Variants in DLG5 observed in about 807,000 individuals in gnomAD.
The protein encoded by DLG5 is disks large homolog 5.
In DLG5, 48 loss-of-function variants were observed where a neutral mutation model predicts 189.8. That is an observed-to-expected ratio of 0.25 (90% CI 0.20 to 0.32). DLG5 has a LOEUF of 0.32. Ranked by LOEUF, DLG5 falls within the 10% of genes least tolerant of loss-of-function variation. The probability of loss-of-function intolerance (pLI) is 1.00; values close to 1 mark genes in which losing one functional copy is unlikely to be tolerated. For missense variants in DLG5, 2,160 were observed against 2,544.7 expected, an observed-to-expected ratio of 0.85 and a Z score of 3.25; for synonymous variants, 1,016 against 1,054.1, an observed-to-expected ratio of 0.96 and a Z score of 0.70.
intron 2 of DLG5, chr10:77,868,680 G>T (rs982915970): frequency 1.3e-4 from 30 of 224,456 alleles, no homozygotes; most frequent in African/African-American, 6.0e-4. Flanking sequence ...CTTCCTGCTG[G>T]ACTTCAGAGA....
intron 27 of DLG5, among the ~76,000 whole-genome samples, chr10:77,804,969 T>C (rs1841397746): frequency 6.6e-6 from 1 of 152,118 alleles, no homozygotes; most frequent in African/African-American, 2.4e-5. Flanking sequence ...AAACATGCCT[T>C]TTCTTTTTAA....
At chr10:77,840,509 G>T (rs1345246753) in intron 7 of DLG5, among the ~76,000 whole-genome samples, 1 of 152,234 alleles carries the variant, frequency 6.6e-6, no homozygotes, top group Non-Finnish European at 1.5e-5. Flanking sequence ...CTTGAGTCCA[G>T]GAGTTCGAGA....
chr10:77,831,486 A>C (rs1824340978), intron 9 of DLG5, among the ~76,000 whole-genome samples: 1 of 152,374 alleles, frequency 6.6e-6, no homozygotes, highest in Non-Finnish European at 1.5e-5. Context: ...AAATGTATAC[A>C]AAAAGGCATC....
chr10:77,803,200 T>C (rs1568119208), intron 27 of DLG5, among the ~76,000 whole-genome samples: 1 of 151,906 alleles, frequency 6.6e-6, no homozygotes, highest in Admixed American at 6.6e-5. Flanking sequence ...ATAAACGAGG[T>C]AGAATGAATA....
intron 26 of DLG5, chr10:77,806,166 C>T (rs976034592): frequency 4.0e-5 from 15 of 377,464 alleles, no homozygotes; most frequent in Admixed American, 8.5e-5. Context: ...TGACGAGTTA[C>T]GCTTCCTGCC....
intron 24 of DLG5, among the ~76,000 whole-genome samples, 157 bp downstream of exon 24, chr10:77,809,390 A>G (rs1248687413): frequency 1.3e-5 from 2 of 152,222 alleles, no homozygotes; most frequent in Non-Finnish European, 2.9e-5. Context: ...TGGGCGACAG[A>G]GCAAGACTCT....
intron 1 of DLG5, among the ~76,000 whole-genome samples, chr10:77,918,718 C>T (rs1846443595): frequency 6.6e-6 from 1 of 152,106 alleles, no homozygotes; most frequent in East Asian, 1.9e-4. Context: ...ATCCAATTTC[C>T]CCCCAGCGCA....
At chr10:77,891,262 A>G (rs1845598365) in intron 1 of DLG5, among the ~76,000 whole-genome samples, 2 of 152,188 alleles carry the variant, frequency 1.3e-5, no homozygotes, top group Admixed American at 1.3e-4. Flanking sequence ...AAGGCTCACA[A>G]TTGGCTTCGC....
intron 7 of DLG5, among the ~76,000 whole-genome samples, chr10:77,839,741 C>T (rs1843328342): frequency 6.6e-6 from 1 of 152,122 alleles, no homozygotes; most frequent in Non-Finnish European, 1.5e-5. Context: ...AGGATGATTA[C>T]CAAATTCTAA....
chr10:77,879,813 G>T (rs1307343202), intron 1 of DLG5, among the ~76,000 whole-genome samples: 2 of 151,776 alleles, frequency 1.3e-5, no homozygotes, highest in African/African-American at 4.8e-5. Context: ...AAAAACAGAT[G>T]GGGGAGGGAG....
intron 7 of DLG5, among the ~76,000 whole-genome samples, chr10:77,836,708 G>A (rs1352268602): frequency 6.6e-6 from 1 of 152,168 alleles, no homozygotes; most frequent in Non-Finnish European, 1.5e-5. Flanking sequence ...TGAAAACAGA[G>A]GCAGAGGAGC....
At chr10:77,859,144 C>T (rs142515242) in intron 2 of DLG5, among the ~76,000 whole-genome samples, 2,426 of 151,978 alleles carry the variant, frequency 0.016, 54 homozygotes, top group African/African-American at 0.055. Flanking sequence ...CCAAAGTGGT[C>T]GGATTACAGG....
intron 1 of DLG5, among the ~76,000 whole-genome samples, chr10:77,886,889 C>T (rs930672330): frequency 1.3e-5 from 2 of 152,144 alleles, no homozygotes; most frequent in South Asian, 2.1e-4. Context: ...AAGAACTGCA[C>T]GGAGAACATG....
chr10:77,922,232 C>T (rs1222497304), intron 1 of DLG5, among the ~76,000 whole-genome samples: 1 of 152,140 alleles, frequency 6.6e-6, no homozygotes, highest in Admixed American at 6.6e-5. Flanking sequence ...GCACCATTAG[C>T]CCCATCTTAC....
the DLG5 span, among the ~76,000 whole-genome samples, chr10:77,934,842 C>CTTTTTTTTTTTTTTTTT: frequency 2.8e-5 from 4 of 145,106 alleles, no homozygotes; most frequent in African/African-American, 1.1e-4. Flanking sequence ...GGGTGCTGTT[C>CTTTTTTTTTTTTTTTTT]TTTTTTTTTG....
chr10:77,868,338 C>T (rs955918413), intron 2 of DLG5: 10 of 356,526 alleles, frequency 2.8e-5, no homozygotes, highest in Middle Eastern at 1.0e-3. Flanking sequence ...CTGCCTAATT[C>T]GCCACTACGG....
In DLG5 at chr10:77,865,634, G is replaced by C. The variant is rs568157785; in HGVS notation, c.373+3495C>G. ...CTGAGAAATTAGGTCAGGATGAATGGGGAGGAAAAAAGTACTGATTGCCTG... is the reference window on the plus strand; with the variant it reads ...CTGAGAAATTAGGTCAGGATGAATGCGGAGGAAAAAAGTACTGATTGCCTG... On this transcript the variant is annotated intron_variant, in intron 2 of 31. Coordinates refer to ENST00000372391, the MANE Select transcript of DLG5 (RefSeq NM_004747.4). Among the ~76,000 whole-genome samples the C allele has an allele frequency of 8.5e-5, 13 of 152,292 alleles. No homozygotes were observed. The South Asian group carries it at 1.7e-3, about 19-fold the overall frequency.
At chr10:77,829,214 G>A in intron 12 of DLG5, 141 bp downstream of exon 12, 1 of 1,266,238 alleles carries the variant, frequency 7.9e-7, no homozygotes, top group South Asian at 1.4e-5. Context: ...CCTCTTGCCA[G>A]AAAAGCACAT....
intron 20 of DLG5, among the ~76,000 whole-genome samples, chr10:77,814,997 A>G (rs992314117): frequency 6.6e-6 from 1 of 152,070 alleles, no homozygotes; most frequent in African/African-American, 2.4e-5. Flanking sequence ...TTCATCTCCA[A>G]TCGGATCCTA....
Sources: allele counts gnomAD v4.1 joint callset (sites outside exome capture counted in the v4.1 genomes callset), GRCh38; gene constraint gnomAD v4.1.1; transcripts MANE v1.5; gene names NCBI Gene and HGNC (gene_info 2026-07-23, HGNC 2026-07-21).